The following GNA15 variants were observed in gnomAD, a reference collection of about 807,000 sequenced individuals.
GNA15 encodes the protein G protein subunit alpha 15.
Under a neutral mutation model 40.1 loss-of-function variants are expected in GNA15, and 23 were observed. The observed-to-expected ratio is 0.57, with a 90% CI of 0.41 to 0.81. GNA15 has a LOEUF of 0.81. Ranked by LOEUF, GNA15 falls within the 40% of genes least tolerant of loss-of-function variation. The pLI is 0.00. For synonymous variants in GNA15, 226 were observed against 210.4 expected (o/e 1.07, Z -0.64); for missense variants, 522 against 515.8 (o/e 1.01, Z -0.12).
At position 3,136,205 on chromosome 19, in the gene GNA15, C is replaced by T; in HGVS notation, c.-246C>T. ...TCTGGAGGTGGGCGGGGAGCCCTGG[C>T]CTCCCCACCTCCTCCCGTCCCCACC... On this transcript the variant is annotated 5_prime_UTR_variant, in exon 1 of 7. Coordinates refer to ENST00000262958, the MANE Select transcript of GNA15 (RefSeq NM_002068.4). The surrounding 1 kb of genome is among the most constrained non-coding windows in gnomAD (Gnocchi z 4.9). 2 of 452,362 alleles carry T rather than the reference C, an allele frequency of 4.4e-6. No homozygotes were observed. Among genetic ancestry groups the T allele is most frequent in the Non-Finnish European group, 4.0e-6 (1 of 251,094 alleles). 28.0% of individuals were successfully genotyped at this position (452,362 alleles called of 1,614,324 possible). A position where few individuals can be genotyped will look rare whatever the true frequency, so the allele number is the denominator to read the frequency against.
In GNA15 at chr19:3,136,261, C is replaced by A; in HGVS notation, c.-190C>A. The stretch of plus-strand genomic sequence containing the variant: ...CCCAGCACTCAAGCCTTGCCACCGC[C>A]GAGCCGGGCTTCCTGGGTGTTTCAG... On this transcript the variant is annotated 5_prime_UTR_variant, in exon 1 of 7. Transcript: ENST00000262958. The surrounding 1 kb of genome is among the most constrained non-coding windows in gnomAD (Gnocchi z 4.9). 1 of 592,162 alleles carries A rather than the reference C, an allele frequency of 1.7e-6. No homozygotes were observed. Among genetic ancestry groups the A allele is most frequent in the Non-Finnish European group, 2.9e-6 (1 of 341,936 alleles). The allele number at this position is 592,162 out of a possible 1,614,324, so 36.7% of individuals were successfully genotyped here.
intron 2 of GNA15, chr19:3,149,459 C>G (rs1914825254): frequency 6.4e-6 from 1 of 156,626 alleles, no homozygotes; most frequent in Non-Finnish European, 1.4e-5. Context: ...CACCTATGCA[C>G]GCACCCACAA....
At chr19:3,154,085 T>C (rs2144857642) in intron 4 of GNA15, among the ~76,000 whole-genome samples, 1 of 148,196 alleles carries the variant, frequency 6.7e-6, no homozygotes, top group South Asian at 2.2e-4. Flanking sequence ...AATAGATGGG[T>C]AGATGGATAG....
chr19:3,136,212 A>C lies in GNA15; in HGVS notation c.-239A>C. The C allele has an allele frequency of 2.3e-6, 1 of 438,692 alleles. No homozygotes were observed. The highest frequency in any genetic ancestry group is 4.1e-6 in the Non-Finnish European group (1 of 243,016). 27.2% of individuals were successfully genotyped at this position (438,692 alleles called of 1,614,324 possible). ...GTGGGCGGGGAGCCCTGGCCTCCCC[A>C]CCTCCTCCCGTCCCCACCCTGTTCC... On this transcript the variant is annotated 5_prime_UTR_variant, in exon 1 of 7. Transcript: ENST00000262958. The surrounding 1 kb of genome is among the most constrained non-coding windows in gnomAD (Gnocchi z 4.9).
intron 1 of GNA15, among the ~76,000 whole-genome samples, chr19:3,144,741 G>T (rs535982907): frequency 6.6e-6 from 1 of 151,624 alleles, no homozygotes; most frequent in South Asian, 2.1e-4. Context: ...TGTTAGCCAG[G>T]ATGGTCTCGA....
intron 1 of GNA15, among the ~76,000 whole-genome samples, chr19:3,147,551 AAAAAAG>A (rs200737148): frequency 0.55 from 80,202 of 145,256 alleles, 22,222 homozygotes; most frequent in East Asian, 0.71. Flanking sequence ...TCTGTCTAAA[AAAAAAG>A]AAAAAAAGAA....
chr19:3,139,487 TG>T (rs1914527239), intron 1 of GNA15, among the ~76,000 whole-genome samples: 1 of 150,718 alleles, frequency 6.6e-6, no homozygotes, highest in East Asian at 2.0e-4. Flanking sequence ...TCCAACTACT[TG>T]GGAGGCTGAG....
intron 2 of GNA15, 145 bp from the exon 3 acceptor site, chr19:3,149,985 CG>C (rs1176156201): frequency 1.6e-5 from 10 of 641,312 alleles, no homozygotes; most frequent in Non-Finnish European, 2.7e-5. Context: ...CAGAAGTGTG[CG>C]GGGGGGTCGG....
chr19:3,162,888 A>G lies in GNA15; in HGVS notation c.994A>G (p.Lys332Glu), dbSNP rs745864047. 1.2e-6 allele frequency: 2 copies of G among 1,613,912 alleles called. No individual in the cohort carries two copies. The highest frequency in any genetic ancestry group is 1.7e-6 in the Non-Finnish European group (2 of 1,179,862). ...GCVDGPEGSKKGARSRRLFSH... is the reference protein window; with the variant it reads ...GCVDGPEGSKEGARSRRLFSH... ...CGTGGACGGCCCCGAGGGCAGCAAG[A>G]AGGGCGCACGATCCCGACGCCTCTT... Residue 332 changes from lysine (K) to glutamate (E), a missense_variant, in exon 7 of 7, where the codon AAG becomes GAG. Coordinates refer to ENST00000262958, the MANE Select transcript of GNA15 (RefSeq NM_002068.4).
In GNA15 at chr19:3,136,440, G is replaced by T. The variant is rs1169898661; in HGVS notation, c.-11G>T. 12 of 1,547,604 alleles carry T rather than the reference G, an allele frequency of 7.8e-6. No individual in the cohort carries two copies. Among genetic ancestry groups the T allele is most frequent in the Non-Finnish European group, 1.0e-5 (12 of 1,146,192 alleles). On this transcript the variant is annotated 5_prime_UTR_variant, in exon 1 of 7. Transcript: ENST00000262958. The surrounding 1 kb of genome is among the most constrained non-coding windows in gnomAD (Gnocchi z 4.9). The stretch of plus-strand genomic sequence containing the variant: ...GCGATGCCACCCGGTGCCGACTGAG[G>T]CCACCGCACCATGGCCCGCTCGCTG...
At chr19:3,152,750 A>G (rs991979932) in intron 4 of GNA15, among the ~76,000 whole-genome samples, 3 of 152,074 alleles carry the variant, frequency 2.0e-5, no homozygotes, top group Non-Finnish European at 4.4e-5. Flanking sequence ...ATGCCCAGAG[A>G]CAGCGATTGT....
At position 3,163,163 on chromosome 19, in the gene GNA15, G is replaced by T. The variant is rs935628842; in HGVS notation, c.*144G>T. On this transcript the variant is annotated 3_prime_UTR_variant, in exon 7 of 7. Transcript: ENST00000262958. ...GGGGACGGACGGCCCGCTGCTGGCC[G>T]CTCTCTTCTCTGCCTCTCACCAGGA... 2 of 630,488 alleles carry T rather than the reference G, an allele frequency of 3.2e-6. No individual in the cohort carries two copies. The highest frequency in any genetic ancestry group is 1.8e-5 in the African/African-American group (1 of 55,164). The allele number at this position is 630,488 out of a possible 1,614,324, so 39.1% of individuals were successfully genotyped here. A position where few individuals can be genotyped will look rare whatever the true frequency, so the allele number is the denominator to read the frequency against.
intron 3 of GNA15, among the ~76,000 whole-genome samples, chr19:3,150,596 G>A (rs1286880238): frequency 6.6e-6 from 1 of 152,132 alleles, no homozygotes; most frequent in African/African-American, 2.4e-5. Flanking sequence ...TGTTCTAGGA[G>A]TGACTCTGTT....
chr19:3,157,953 C>A, intron 6 of GNA15, 72 bp downstream of exon 6: 3 of 1,240,890 alleles, frequency 2.4e-6, no homozygotes, highest in Non-Finnish European at 2.4e-6. Flanking sequence ...CTAATCCAGA[C>A]TCTACTTCAG....
At chr19:3,149,031 G>T in intron 2 of GNA15, 1 of 422,700 alleles carries the variant, frequency 2.4e-6, no homozygotes, top group Non-Finnish European at 4.1e-6. Context: ...ATGCACACAA[G>T]GACACACACG....
At chr19:3,148,908 C>G (rs373627503) in intron 2 of GNA15, 133 bp downstream of exon 2, 30 of 854,810 alleles carry the variant, frequency 3.5e-5, no homozygotes, top group African/African-American at 2.5e-4. Context: ...AGGGAAGGGT[C>G]CCCAGACCCT....
At chr19:3,150,042 G>A (rs1914839088) in intron 2 of GNA15, 89 bp from the exon 3 acceptor site, 2 of 1,130,040 alleles carry the variant, frequency 1.8e-6, no homozygotes, top group Non-Finnish European at 2.6e-6. Context: ...GCGTGTTTCA[G>A]GGAGGGACGT....
chr19:3,147,716 C>G (rs930362688), intron 1 of GNA15, among the ~76,000 whole-genome samples: 3 of 151,596 alleles, frequency 2.0e-5, no homozygotes, highest in African/African-American at 7.3e-5. Context: ...GAAACCCCGT[C>G]TCTACTAAAA....
intron 1 of GNA15, among the ~76,000 whole-genome samples, chr19:3,140,584 G>C (rs1914556147): frequency 6.6e-6 from 1 of 151,862 alleles, no homozygotes; most frequent in South Asian, 2.1e-4. Flanking sequence ...TTTTCTTCCT[G>C]GCCCTCACTA....
Sources: gnomAD v4.1 joint callset for allele counts (sites outside exome capture counted in the v4.1 genomes callset) on GRCh38, gnomAD v4.1.1 for gene constraint, Gnocchi (gnomAD v3.1) non-coding constraint, MANE v1.5 for transcripts, NCBI Gene and HGNC (gene_info 2026-07-23, HGNC 2026-07-21) for gene names.